The following GHDC variants were observed in gnomAD, a reference collection of about 807,000 sequenced individuals.
The protein encoded by GHDC is GH3 domain-containing protein.
GHDC carries 39 observed loss-of-function variants against 51.5 expected under a neutral mutation model. The ratio of observed to expected loss-of-function variants is 0.76; its 90% CI spans 0.59 to 0.99. GHDC has a LOEUF of 0.99. Among genes scored for constraint, GHDC ranks in the 50% least tolerant of loss-of-function variants. The probability of loss-of-function intolerance (pLI) is 0.00; values close to 1 mark genes in which losing one functional copy is unlikely to be tolerated. For synonymous variants in GHDC, 282 were observed against 305.2 expected, an observed-to-expected ratio of 0.92 and a Z score of 0.79; for missense variants, 610 against 672.8, an observed-to-expected ratio of 0.91 and a Z score of 1.03.
At position 42,194,438 on chromosome 17, in the gene GHDC, C is replaced by G. The variant is rs1449383462; in HGVS notation, c.-143G>C. The stretch of plus-strand genomic sequence containing the variant: ...CTACTCCTGGCACGTGACGGAGACC[C>G]CTGGGTGACTCTGGGTCTCAGCACA... On this transcript the variant is annotated 5_prime_UTR_variant, in exon 1 of 10. Transcript: ENST00000587427. 1 of 152,420 alleles carries G rather than the reference C, an allele frequency of 6.6e-6. No homozygotes were observed. The highest frequency in any genetic ancestry group is 2.4e-5 in the African/African-American group (1 of 41,450). 9.4% of individuals were successfully genotyped at this position (152,420 alleles called of 1,614,324 possible).
In GHDC at chr17:42,189,834, C is replaced by T. The variant is rs1374090809; in HGVS notation, c.1462G>A (p.Gly488Arg). The T allele has an allele frequency of 1.9e-6, 3 of 1,560,542 alleles. No individual in the cohort carries two copies. The highest frequency in any genetic ancestry group is 1.9e-5 in the Admixed American group (1 of 51,998). Reference protein sequence around the residue: ...SVGPARVHLVGQGAFRALRAA... With the variant: ...SVGPARVHLVRQGAFRALRAA... ...CGGAGTGCTCGGAAGGCTCCCTGCC[C>T]CACCAGGTGGACTCTGGCAGGGCCC... Residue 488 changes from glycine to arginine, a missense_variant, in exon 10 of 10, where the codon GGG (glycine) becomes AGG (arginine). This residue lies in a region of GHDC where 412 missense variants were observed against 410.4 expected (regional missense o/e 1.00). Transcript: ENST00000587427.
chr17:42,191,212 T>A lies in GHDC; in HGVS notation c.890-2A>T. 1.3e-6 allele frequency: 2 copies of A among 1,498,866 alleles called. No individual in the cohort carries two copies. The highest frequency in any genetic ancestry group is 8.9e-7 in the Non-Finnish European group (1 of 1,126,714). The allele number at this position is 1,498,866 out of a possible 1,614,324, so 92.8% of individuals were successfully genotyped here. On this transcript the variant is annotated splice_acceptor_variant, in intron 5 of 9. Transcript: ENST00000587427. LOFTEE classifies it high-confidence loss of function. ...GCTGTAGGTTTAGGCCCAGCACCCC[T>A]GTGAAAGCAAAGCAGCCTCCTCAGC... is the stretch of plus-strand genomic sequence containing the variant.
chr17:42,192,110 G>A, intron 5 of GHDC, 131 bp downstream of exon 5: 4 of 1,190,300 alleles, frequency 3.4e-6, no homozygotes, highest in Non-Finnish European at 4.6e-6. Flanking sequence ...TGTAAAAGGA[G>A]GCTGCTGGCC....
intron 8 of GHDC, 66 bp from the exon 9 acceptor site, chr17:42,190,336 C>T (rs1413895440): frequency 3.1e-6 from 5 of 1,613,462 alleles, no homozygotes; most frequent in Non-Finnish European, 3.4e-6. Context: ...CTAGTGTCCT[C>T]TGCCCTATCT....
intron 2 of GHDC, 75 bp from the exon 3 acceptor site, chr17:42,193,669 C>T (rs1457025147): frequency 2.8e-6 from 4 of 1,436,562 alleles, no homozygotes; most frequent in Non-Finnish European, 3.7e-6. Context: ...CTACTGCATA[C>T]AGGAAAACCG....
intron 7 of GHDC, 31 bp downstream of exon 7, chr17:42,190,801 G>C: frequency 1.2e-6 from 2 of 1,613,904 alleles, no homozygotes; most frequent in Non-Finnish European, 1.7e-6. Context: ...AGGACACAAG[G>C]ATGGCCCTTC....
At position 42,193,511 on chromosome 17, in the gene GHDC, G is replaced by C; in HGVS notation, c.71C>G (p.Ser24Cys). 6.4e-7 allele frequency: 1 copy of C among 1,550,992 alleles called. No individual in the cohort carries two copies. Among genetic ancestry groups the C allele is most frequent in the African/African-American group, 1.4e-5 (1 of 73,376 alleles). Reference sequence around the variant, plus strand: ...AAGCCAGGACAGCCTGGCATCCTGGGACCGCTGCTGCCTGAGCAGGGCCAA... The same window carrying C: ...AAGCCAGGACAGCCTGGCATCCTGGCACCGCTGCTGCCTGAGCAGGGCCAA... ...PTLALLRQQR[S>C]QDARLSWLAG... Residue 24 changes from serine (S) to cysteine (C), a missense_variant, in exon 3 of 10, where the codon TCC becomes TGC. By Grantham distance (112) the Ser-to-Cys change is moderately radical (BLOSUM62 -1). Coordinates refer to ENST00000587427, the MANE Select transcript of GHDC (RefSeq NM_032484.5).
rs2079947658 is a variant in GHDC at position 42,189,165 on chromosome 17, C to A, written c.*538G>T. On this transcript the variant is annotated 3_prime_UTR_variant, in exon 10 of 10. Coordinates refer to ENST00000587427, the MANE Select transcript of GHDC (RefSeq NM_032484.5). ...AGTGGGGAAGAGAGGGAAGGGAGAG[C>A]CCCCGCAGGAAGTACATGAATGAGT... 5.0e-6 allele frequency: 2 copies of A among 398,386 alleles called. No individual in the cohort carries two copies. The highest frequency in any genetic ancestry group is 2.1e-5 in the African/African-American group (1 of 48,588). 24.7% of individuals were successfully genotyped at this position (398,386 alleles called of 1,614,324 possible).
chr17:42,190,189 T>A lies in GHDC; in HGVS notation c.1370A>T (p.Asp457Val). Residue 457 changes from aspartate to valine, a missense_variant, in exon 9 of 10, where the codon GAC becomes GTC. Asp to Val is a radical substitution (Grantham distance 152). Coordinates refer to ENST00000587427, the MANE Select transcript of GHDC (RefSeq NM_032484.5). Reference protein sequence around the residue: ...GLRNLSEENRDKLDHCLQEAS... With the variant: ...GLRNLSEENRVKLDHCLQEAS... Reference sequence around the variant, plus strand: ...CCCTGTCCTCGTCTCCTTTACCTTGTCTCGATTTTCCTCTGACAGATTCCT... The same window carrying A: ...CCCTGTCCTCGTCTCCTTTACCTTGACTCGATTTTCCTCTGACAGATTCCT... The A allele has an allele frequency of 6.2e-7, 1 of 1,613,682 alleles. No homozygotes were observed. The highest frequency in any genetic ancestry group is 8.5e-7 in the Non-Finnish European group (1 of 1,179,750).
rs1343900681 is a variant in GHDC at position 42,194,380 on chromosome 17, T to G, written c.-98+13A>C. 1 of 152,418 alleles carries G rather than the reference T, an allele frequency of 6.6e-6. No individual in the cohort carries two copies. Among genetic ancestry groups the G allele is most frequent in the East Asian group, 1.9e-4 (1 of 5,316 alleles). The allele number at this position is 152,418 out of a possible 1,614,324, so 9.4% of individuals were successfully genotyped here. A position where few individuals can be genotyped will look rare whatever the true frequency, so the allele number is the denominator to read the frequency against. On this transcript the variant is annotated intron_variant, in intron 1 of 9. Coordinates refer to ENST00000587427, the MANE Select transcript of GHDC (RefSeq NM_032484.5). The stretch of plus-strand genomic sequence containing the variant: ...CCTGAGCCCCAGGCTGTGGGGTCCA[T>G]GCCCACATGCACCTGTCACAGCCCA...
rs748519132 is a variant in GHDC, at chr17:42,189,935, A to G, written c.1375-14T>C. ...GCAGTGGTCCAGCTGGGAACAGAACAGCCTGAGTGAGCTGGTGTGTGACTG... is the reference window on the plus strand; with the variant it reads ...GCAGTGGTCCAGCTGGGAACAGAACGGCCTGAGTGAGCTGGTGTGTGACTG... On this transcript the variant is annotated splice_polypyrimidine_tract_variant and intron_variant, in intron 9 of 9. Coordinates refer to ENST00000587427, the MANE Select transcript of GHDC (RefSeq NM_032484.5). 36 of 1,504,032 alleles carry G rather than the reference A, an allele frequency of 2.4e-5. 1 individual carries two copies. The highest frequency in any genetic ancestry group is 1.2e-4 in the East Asian group (5 of 40,714). The allele number at this position is 1,504,032 out of a possible 1,614,324, so 93.2% of individuals were successfully genotyped here. A position where few individuals can be genotyped will look rare whatever the true frequency, so the allele number is the denominator to read the frequency against.
rs374045244 is a variant in GHDC, at chr17:42,189,564, A to G, written c.*139T>C. ...GGTCAGCTGGGCCAAGGCCTCTCTAAGGCCCAGCGGCTCTCATGGGCAAAT... is the reference window on the plus strand; with the variant it reads ...GGTCAGCTGGGCCAAGGCCTCTCTAGGGCCCAGCGGCTCTCATGGGCAAAT... On this transcript the variant is annotated 3_prime_UTR_variant, in exon 10 of 10. Coordinates refer to ENST00000587427, the MANE Select transcript of GHDC (RefSeq NM_032484.5). The G allele has an allele frequency of 1.4e-3, 675 of 489,656 alleles. 14 individuals are homozygous for G. The South Asian group carries it at 0.025, about 18-fold the overall frequency. 30.3% of individuals were successfully genotyped at this position (489,656 alleles called of 1,614,324 possible). A position where few individuals can be genotyped will look rare whatever the true frequency, so the allele number is the denominator to read the frequency against.
Position 42,189,933 on chromosome 17 carries a change from A to T in GHDC, c.1375-12T>A. 1 of 1,513,838 alleles carries T rather than the reference A, an allele frequency of 6.6e-7. No homozygotes were observed. The highest frequency in any genetic ancestry group is 8.9e-7 in the Non-Finnish European group (1 of 1,127,396). 93.8% of individuals were successfully genotyped at this position (1,513,838 alleles called of 1,614,324 possible). On this transcript the variant is annotated splice_polypyrimidine_tract_variant and intron_variant, in intron 9 of 9. Coordinates refer to ENST00000587427, the MANE Select transcript of GHDC (RefSeq NM_032484.5). ...AGGCAGTGGTCCAGCTGGGAACAGA[A>T]CAGCCTGAGTGAGCTGGTGTGTGAC...
intron 8 of GHDC, 52 bp downstream of exon 8, chr17:42,190,572 G>T: frequency 3.2e-6 from 5 of 1,579,458 alleles, no homozygotes; most frequent in Non-Finnish European, 3.4e-6. Flanking sequence ...GGGGAGGTAG[G>T]AGTTGAAGGG....
In GHDC at chr17:42,193,540, TGGC is replaced by T; in HGVS notation, c.39_41del (p.Pro14del). On this transcript the variant is annotated inframe_deletion, in exon 3 of 10. Coordinates refer to ENST00000587427, the MANE Select transcript of GHDC (RefSeq NM_032484.5). ...GCTGCTGCCTGAGCAGGGCCAATGTTGGCAGCAGCAGCAGCAGCAGCAGCAGTG... is the reference window on the plus strand; with the variant it reads ...GCTGCTGCCTGAGCAGGGCCAATGTTAGCAGCAGCAGCAGCAGCAGCAGTG... 6.5e-7 allele frequency: 1 copy of T among 1,545,498 alleles called. No homozygotes were observed. Among genetic ancestry groups the T allele is most frequent in the Non-Finnish European group, 8.7e-7 (1 of 1,147,180 alleles).
chr17:42,193,777 A>C lies in GHDC; in HGVS notation c.-24T>G. 1 of 725,068 alleles carries C rather than the reference A, an allele frequency of 1.4e-6. No homozygotes were observed. Among genetic ancestry groups the C allele is most frequent in the Non-Finnish European group, 2.2e-6 (1 of 455,150 alleles). The allele number at this position is 725,068 out of a possible 1,614,324, so 44.9% of individuals were successfully genotyped here. A position where few individuals can be genotyped will look rare whatever the true frequency, so the allele number is the denominator to read the frequency against. ...TGGAGTCCCACTGACCTGAGTGCAG[A>C]TCCTGCCTCTGCCGCTTGTTAGCTG... is the stretch of plus-strand genomic sequence containing the variant. On this transcript the variant is annotated 5_prime_UTR_variant, in exon 2 of 10. Transcript: ENST00000587427.
In GHDC at chr17:42,190,089, A is replaced by G. The variant is rs1273295684; in HGVS notation, c.1374+96T>C. 8 of 1,470,298 alleles carry G rather than the reference A, an allele frequency of 5.4e-6. No homozygotes were observed. The Admixed American group carries it at 1.4e-4, about 27-fold the overall frequency. The allele number at this position is 1,470,298 out of a possible 1,614,324, so 91.1% of individuals were successfully genotyped here. A position where few individuals can be genotyped will look rare whatever the true frequency, so the allele number is the denominator to read the frequency against. ...AGCCCCAGGGAGCTTCTCCTCCGCC[A>G]CCCCTCTCCTTCCCATCAGCCCTGA... On this transcript the variant is annotated intron_variant, in intron 9 of 9. Transcript: ENST00000587427.
At position 42,193,599 on chromosome 17, in the gene GHDC, G is replaced by A. The variant is rs761250277; in HGVS notation, c.-13-5C>T. On this transcript the variant is annotated splice_region_variant and splice_polypyrimidine_tract_variant and intron_variant, in intron 2 of 9. Transcript: ENST00000587427. The stretch of plus-strand genomic sequence containing the variant: ...AGCAGCATCTCCAAGCAGCTCCTGG[G>A]AAGAGGAAGGAACCGAGATATGGGG... 2.2e-5 allele frequency: 33 copies of A among 1,525,730 alleles called. No individual in the cohort carries two copies. The East Asian group carries it at 7.4e-4, about 34-fold the overall frequency. 94.5% of individuals were successfully genotyped at this position (1,525,730 alleles called of 1,614,324 possible). A position where few individuals can be genotyped will look rare whatever the true frequency, so the allele number is the denominator to read the frequency against.
In GHDC at chr17:42,193,260, C is replaced by T. The variant is rs149926884; in HGVS notation, c.265+57G>A. 8.3e-5 allele frequency: 127 copies of T among 1,522,804 alleles called. No individual in the cohort carries two copies. In the African/African-American group the frequency reaches 1.5e-3, roughly 18 times the overall value. The allele number at this position is 1,522,804 out of a possible 1,614,324, so 94.3% of individuals were successfully genotyped here. ...GGGGCCATCAGGCTCTGGAATCTGA[C>T]GGTCCTGTGGGGTTTCTTTCTCTTT... On this transcript the variant is annotated intron_variant, in intron 3 of 9. Transcript: ENST00000587427.
Sources: gnomAD v4.1 joint callset for allele counts on GRCh38, gnomAD v4.1.1 for gene constraint, gnomAD v4.1.1 regional missense constraint, MANE v1.5 for transcripts, NCBI Gene and HGNC (gene_info 2026-07-23, HGNC 2026-07-21) for gene names.